Variants in TRPM5 observed in about 807,000 individuals in gnomAD.
TRPM5 encodes MLSN1 and TRP-related.
TRPM5 carries 121 observed loss-of-function variants against 124.9 expected under a neutral mutation model. That is an observed-to-expected ratio of 0.97 (90% confidence interval 0.84 to 1.13). The LOEUF is 1.13. TRPM5 is among the 50% of genes most tolerant of loss of function. TRPM5 has a pLI of 0.00. For synonymous variants in TRPM5, 781 were observed against 700.5 expected, an observed-to-expected ratio of 1.11 and a Z score of -1.81; for missense variants, 1,643 against 1,589.1, an observed-to-expected ratio of 1.03 and a Z score of -0.58.
At chr11:2,412,078 T>C in intron 16 of TRPM5, 57 bp downstream of exon 21, 2 of 1,459,360 alleles carry the variant, frequency 1.4e-6, no homozygotes, top group Non-Finnish European at 1.9e-6. Context: ...AGTGGCTTCA[T>C]CTGGAAGCCT....
At chr11:2,405,758 C>T (rs969637007) in intron 22 of TRPM5, among the ~76,000 whole-genome samples, 165 bp from the exon 28 acceptor site, 2 of 152,106 alleles carry the variant, frequency 1.3e-5, no homozygotes, top group African/African-American at 2.4e-5. Context: ...TCCCGTGAGG[C>T]GTGTAGAGTG....
At chr11:2,419,220 C>T (rs873997) in intron 4 of TRPM5, among the ~76,000 whole-genome samples, 68,748 of 151,708 alleles carry the variant, frequency 0.45, 16,172 homozygotes, top group East Asian at 0.66. Context: ...CCTGGCCAAA[C>T]GGTGCCCGGG....
chr11:2,407,722 T>G (rs1850352171), intron 19 of TRPM5, 37 bp downstream of exon 24: 1 of 1,608,838 alleles, frequency 6.2e-7, no homozygotes, highest in Non-Finnish European at 8.5e-7. Flanking sequence ...CTCCCTCCGC[T>G]CCAGGGCTCT....
chr11:2,404,853 G>A (rs1216828565), exon 24 of TRPM5: 25 of 1,192,880 alleles, frequency 2.1e-5, no homozygotes, highest in African/African-American at 3.0e-5. Flanking sequence ...GGGGGGTTCC[G>A]CTGGAGGTCG....
upstream of TRPM5, among the ~76,000 whole-genome samples, chr11:2,425,361 G>A (rs958111359): frequency 1.3e-5 from 2 of 152,138 alleles, no homozygotes; most frequent in Non-Finnish European, 2.9e-5. Context: ...GGCTGTGGCC[G>A]CGTGGCTCCA....
chr11:2,415,379 G>T (rs749234211), exon 9 of TRPM5: 1 of 1,590,052 alleles, frequency 6.3e-7, no homozygotes, highest in Admixed American at 1.7e-5. Context: ...TCAGGAAGTC[G>T]GCCACGTCTG....
chr11:2,441,471 C>A, the TRPM5 span, among the ~76,000 whole-genome samples: 2 of 152,008 alleles, frequency 1.3e-5, no homozygotes, highest in South Asian at 2.1e-4. This position sits in a 1 kb window ranked among gnomAD's most constrained non-coding sequence, Gnocchi z 7.2. Flanking sequence ...ACCTCACCTG[C>A]GCACCTGGCC....
At chr11:2,411,589 G>A (rs765613163) in intron 17 of TRPM5, 46 bp downstream of exon 22, 1 of 1,610,508 alleles carries the variant, frequency 6.2e-7, no homozygotes, top group Non-Finnish European at 8.5e-7. Context: ...CCAGGCAGGG[G>A]ATTGCTGTCC....
chr11:2,434,029 G>T, the TRPM5 span, among the ~76,000 whole-genome samples: 13 of 152,132 alleles, frequency 8.5e-5, no homozygotes, highest in Non-Finnish European at 1.8e-4. Flanking sequence ...GACACTGTGT[G>T]TGGCTGTGTG....
the TRPM5 span, among the ~76,000 whole-genome samples, chr11:2,435,921 A>T: frequency 6.6e-6 from 1 of 152,206 alleles, no homozygotes; most frequent in Non-Finnish European, 1.5e-5. The surrounding 1 kb of genome is among the most constrained non-coding windows in gnomAD (Gnocchi z 4.1). Context: ...GGATGCCCAC[A>T]CTCTGGGGAA....
At chr11:2,417,039 T>A (rs1262028604) in intron 7 of TRPM5, among the ~76,000 whole-genome samples, 1 of 152,150 alleles carries the variant, frequency 6.6e-6, no homozygotes, top group East Asian at 1.9e-4. Context: ...AGATCGATGG[T>A]TCCCAGGGGC....
chr11:2,440,699 G>A, the TRPM5 span, among the ~76,000 whole-genome samples: 7 of 152,194 alleles, frequency 4.6e-5, no homozygotes, highest in East Asian at 1.9e-4. This position sits in a 1 kb window ranked among gnomAD's most constrained non-coding sequence, Gnocchi z 5.2. Flanking sequence ...TGTAACCTGC[G>A]CCTAGAACAG....
Position 2,414,638 on chromosome 11 carries a change from G to T in TRPM5, c.1744+77C>A, listed in dbSNP as rs1031303798. ...GGCGGTAACAGGCAGCCCTGGCGAG[G>T]CCCAGGACCCTTCGTCCGACCCCTC... On this transcript the variant is annotated intron_variant, in intron 11 of 23. Coordinates refer to ENST00000155858, the Ensembl canonical transcript of TRPM5. 2.7e-6 allele frequency: 4 copies of T among 1,461,964 alleles called. No homozygotes were observed. In the South Asian group the frequency reaches 5.5e-5, roughly 20 times the overall value. 90.6% of individuals were successfully genotyped at this position (1,461,964 alleles called of 1,614,324 possible).
At chr11:2,426,895 A>G (rs1845844575), upstream of TRPM5, among the ~76,000 whole-genome samples, 1 of 152,180 alleles carries the variant, frequency 6.6e-6, no homozygotes, top group South Asian at 2.1e-4. Flanking sequence ...GGCTCAGGGA[A>G]GTGGTGGCAA....
At chr11:2,421,221 C>T (rs1416542543) in intron 2 of TRPM5, 23 bp from the exon 8 acceptor site, 11 of 1,527,570 alleles carry the variant, frequency 7.2e-6, no homozygotes, top group Middle Eastern at 1.7e-4. Flanking sequence ...AAGAGGGCCT[C>T]GTTGTGCCGC....
chr11:2,420,268 C>T (rs1326711656), exon 4 of TRPM5: 1 of 1,611,396 alleles, frequency 6.2e-7, no homozygotes, highest in South Asian at 1.1e-5. Context: ...CCAGCCTCAG[C>T]CGCAGCTCCG....
At chr11:2,422,406 G>T in intron 1 of TRPM5, 85 bp from the exon 7 acceptor site, 2 of 939,556 alleles carry the variant, frequency 2.1e-6, no homozygotes, top group Non-Finnish European at 3.0e-6. Flanking sequence ...ACACAAGGGG[G>T]CACTGGGGAG....
At chr11:2,444,417 C>A in the TRPM5 span, among the ~76,000 whole-genome samples, 1 of 151,714 alleles carries the variant, frequency 6.6e-6, no homozygotes, top group Non-Finnish European at 1.5e-5. Context: ...GTCGTGGTAT[C>A]GGCCAGGCCT....
chr11:2,420,302 G>T (rs1165721907), exon 4 of TRPM5: 1 of 1,612,670 alleles, frequency 6.2e-7, no homozygotes. Context: ...CTTCCCCGGG[G>T]GGCCTGGCTC....
Sources: allele counts gnomAD v4.1 joint callset (sites outside exome capture counted in the v4.1 genomes callset), GRCh38; gene constraint gnomAD v4.1.1; non-coding constraint Gnocchi (gnomAD v3.1); transcripts MANE v1.5; gene names NCBI Gene and HGNC (gene_info 2026-07-23, HGNC 2026-07-21).